Variants in MAN2B2 observed in about 807,000 individuals in gnomAD.
MAN2B2 encodes the protein mannosidase alpha class 2B member 2.
MAN2B2 carries 106 observed loss-of-function variants against 117.1 expected under a neutral mutation model. The ratio of observed to expected loss-of-function variants is 0.90; its 90% CI spans 0.77 to 1.06. MAN2B2 has a LOEUF of 1.06. Among genes scored for constraint, MAN2B2 ranks in the 50% least tolerant of loss-of-function variants. MAN2B2 has a pLI of 0.00. For missense variants in MAN2B2, 1,326 were observed against 1,381.4 expected, an observed-to-expected ratio of 0.96 and a Z score of 0.64; for synonymous variants, 544 against 595.1, an observed-to-expected ratio of 0.91 and a Z score of 1.25.
intron 17 of MAN2B2, chr4:6,619,601 C>T: frequency 7.2e-6 from 2 of 279,196 alleles, no homozygotes; most frequent in South Asian, 7.4e-5. Context: ...GGCACGGGGC[C>T]ACCTGAGCAA....
chr4:6,600,511 A>T, intron 9 of MAN2B2, 112 bp from the exon 10 acceptor site: 1 of 1,279,414 alleles, frequency 7.8e-7, no homozygotes, highest in Non-Finnish European at 1.1e-6. Context: ...GGAGTTCTGG[A>T]GGGCTGCATC....
chr4:6,606,386 G>A (rs1263669779), intron 11 of MAN2B2, among the ~76,000 whole-genome samples: 4 of 152,232 alleles, frequency 2.6e-5, no homozygotes, highest in African/African-American at 7.2e-5. Context: ...GGCAAGGGGG[G>A]AGTTGGGCAG....
At position 6,622,737 on chromosome 4, in the gene MAN2B2, A is replaced by C. The variant is rs2108764358; in HGVS notation, c.*1452A>C. 6.6e-6 allele frequency: 1 copy of C among 152,322 alleles called. No individual in the cohort carries two copies. Among genetic ancestry groups the C allele is most frequent in the East Asian group, 1.9e-4 (1 of 5,182 alleles). The allele number at this position is 152,322 out of a possible 1,614,324, so 9.4% of individuals were successfully genotyped here. On this transcript the variant is annotated 3_prime_UTR_variant, in exon 19 of 19. Transcript: ENST00000285599. Reference sequence around the variant, plus strand: ...AGGCGTGAGCCAATGTGCCCGGCCTAAACCGTTTTAAAGAGTAAACTGTAA... The same window carrying C: ...AGGCGTGAGCCAATGTGCCCGGCCTCAACCGTTTTAAAGAGTAAACTGTAA...
intron 17 of MAN2B2, chr4:6,617,729 G>T: frequency 1.7e-6 from 1 of 598,632 alleles, no homozygotes; most frequent in Non-Finnish European, 2.7e-6. Flanking sequence ...TGCCCAGTCT[G>T]GGGTGCAGTG....
At position 6,605,111 on chromosome 4, in the gene MAN2B2, C is replaced by T. The variant is rs745566605; in HGVS notation, c.1596C>T (p.Ile532=). ...ATGACCTGCTTATTCTGACCACAAT[C>T]CCAGGCCTCAGTTACCGGCACTACA... is the stretch of plus-strand genomic sequence containing the variant. ...SAYDLLILTT[I]PGLSYRHYNI... The change falls in exon 11 of 19, where the codon ATC becomes ATT. Residue 532 remains isoleucine (I), a synonymous_variant. Coordinates refer to ENST00000285599, the MANE Select transcript of MAN2B2 (RefSeq NM_015274.3). The T allele has an allele frequency of 1.9e-6, 3 of 1,614,106 alleles. No individual in the cohort carries two copies. The highest frequency in any genetic ancestry group is 1.1e-5 in the South Asian group (1 of 91,082).
At chr4:6,577,089 C>G (rs1353816126) in intron 2 of MAN2B2, among the ~76,000 whole-genome samples, 1 of 152,150 alleles carries the variant, frequency 6.6e-6, no homozygotes, top group Non-Finnish European at 1.5e-5. Flanking sequence ...CTGCCTGGCC[C>G]CCGGGCCCAG....
intron 9 of MAN2B2, 74 bp from the exon 10 acceptor site, chr4:6,600,549 A>C: frequency 6.5e-7 from 1 of 1,546,774 alleles, no homozygotes; most frequent in Non-Finnish European, 8.9e-7. Context: ...CCTCATACTG[A>C]GGTGCAGCCA....
chr4:6,610,912 G>A lies in MAN2B2; in HGVS notation c.2292G>A (p.Met764Ile). The A allele has an allele frequency of 6.2e-7, 1 of 1,614,216 alleles. No individual in the cohort carries two copies. The highest frequency in any genetic ancestry group is 8.5e-7 in the Non-Finnish European group (1 of 1,180,020). ...ACCCCATGGTTCAGTCGGCCTTCAT[G>A]GAGGATGGCAAAAGCAGGCTTGTGT... ...NYYPMVQSAF[M>I]EDGKSRLVLL... is the part of the protein sequence containing the mutation. Residue 764 changes from methionine to isoleucine, a missense_variant, in exon 14 of 19, where the codon ATG becomes ATA. Coordinates refer to ENST00000285599, the MANE Select transcript of MAN2B2 (RefSeq NM_015274.3).
At chr4:6,575,462 T>C in intron 1 of MAN2B2, 114 bp downstream of exon 1, 1 of 774,678 alleles carries the variant, frequency 1.3e-6, no homozygotes, top group Non-Finnish European at 2.0e-6. Context: ...GGAGGCTCAG[T>C]GGGTTCAGGA....
At position 6,581,226 on chromosome 4, in the gene MAN2B2, G is replaced by A. The variant is rs1314969827; in HGVS notation, c.391+2728G>A. Among the ~76,000 whole-genome samples, 4 of 152,252 alleles carry A rather than the reference G, an allele frequency of 2.6e-5. No homozygotes were observed. The East Asian group carries it at 7.7e-4, about 29-fold the overall frequency. On this transcript the variant is annotated intron_variant, in intron 3 of 18. Coordinates refer to ENST00000285599, the MANE Select transcript of MAN2B2 (RefSeq NM_015274.3). ...CCAGATCCAACCCTAGCCCGGCCGAGTCAGGAAGGTTACTTGTGGCTGAGC... is the reference window on the plus strand; with the variant it reads ...CCAGATCCAACCCTAGCCCGGCCGAATCAGGAAGGTTACTTGTGGCTGAGC...
Position 6,609,851 on chromosome 4 carries a change from T to G in MAN2B2, c.2060T>G (p.Val687Gly). The part of the protein sequence containing the change: ...TYAIRSRLTH[V>G]PQGHDGELLC... ...GCAATCCGCTCCCGGCTCACCCATGTGCCGCAGGGCCATGACGGGGAGCTG... is the reference window on the plus strand; with the variant it reads ...GCAATCCGCTCCCGGCTCACCCATGGGCCGCAGGGCCATGACGGGGAGCTG... Residue 687 changes from valine (V) to glycine (G), a missense_variant, in exon 13 of 19, where the codon GTG (valine) becomes GGG (glycine). Transcript: ENST00000285599. The G allele has an allele frequency of 1.2e-6, 2 of 1,614,106 alleles. No homozygotes were observed. Among genetic ancestry groups the G allele is most frequent in the South Asian group, 2.2e-5 (2 of 91,082 alleles).
At chr4:6,576,922 T>C (rs1726085816) in intron 2 of MAN2B2, among the ~76,000 whole-genome samples, 198 bp downstream of exon 2, 2 of 152,190 alleles carry the variant, frequency 1.3e-5, no homozygotes, top group South Asian at 4.1e-4. Flanking sequence ...TTGCTTTCAA[T>C]TTAATCCTGA....
In MAN2B2 at chr4:6,579,301, TCACCACCACCACCACCATCACCAC is replaced by T. The variant is rs1726300203; in HGVS notation, c.391+827_391+850del. 2.9e-3 allele frequency among the ~76,000 whole-genome samples: 46 copies of T among 15,814 alleles called. 4 individuals are homozygous for T. The highest frequency in any genetic ancestry group is 8.1e-3 in the South Asian group (3 of 370). The allele number at this position is 15,814 out of a possible 152,430, so 10.4% of individuals were successfully genotyped here. A position where few individuals can be genotyped will look rare whatever the true frequency, so the allele number is the denominator to read the frequency against. On this transcript the variant is annotated intron_variant, in intron 3 of 18. Transcript: ENST00000285599. ...ACCACCATCACCATCACCACCACCA[TCACCACCACCACCACCATCACCAC>T]CACCACCACCACCACCATCACCATC...
At chr4:6,611,428 T>A in intron 15 of MAN2B2, 150 bp downstream of exon 15, 2 of 759,782 alleles carry the variant, frequency 2.6e-6, no homozygotes, top group Non-Finnish European at 4.1e-6. Context: ...GCCCCTCATT[T>A]AACAGATGGG....
intron 4 of MAN2B2, among the ~76,000 whole-genome samples, 162 bp from the exon 5 acceptor site, chr4:6,588,883 A>G (rs1185456804): frequency 1.3e-5 from 2 of 152,152 alleles, no homozygotes; most frequent in Non-Finnish European, 2.9e-5. Context: ...GGCAAATCCC[A>G]CAACCAGTCT....
chr4:6,591,639 A>G (rs1188297335), intron 5 of MAN2B2, among the ~76,000 whole-genome samples: 1 of 152,182 alleles, frequency 6.6e-6, no homozygotes, highest in Non-Finnish European at 1.5e-5. Context: ...ATCAGGTGAC[A>G]GCAGGGGACT....
At chr4:6,616,522 C>T (rs915716172) in intron 16 of MAN2B2, among the ~76,000 whole-genome samples, 5 of 152,318 alleles carry the variant, frequency 3.3e-5, no homozygotes, top group Non-Finnish European at 7.3e-5. Context: ...GTGGCCACCA[C>T]GCCCCCCGCT....
Position 6,594,559 on chromosome 4 carries a change from C to G in MAN2B2, c.884C>G (p.Ala295Gly). 4 of 1,613,544 alleles carry G rather than the reference C, an allele frequency of 2.5e-6. No individual in the cohort carries two copies. The highest frequency in any genetic ancestry group is 1.7e-5 in the Admixed American group (1 of 60,030). The change falls in exon 7 of 19, where the codon GCC becomes GGC. Residue 295 changes from alanine to glycine, a missense_variant. Ala to Gly is a moderately conservative substitution (Grantham distance 60). Coordinates refer to ENST00000285599, the MANE Select transcript of MAN2B2 (RefSeq NM_015274.3). The stretch of plus-strand genomic sequence containing the variant: ...GGATGTGACAAGCAGTTCTTCAATG[C>G]CTCGGTGCAGTTTGCCAACATGGAC... ...PWGCDKQFFN[A>G]SVQFANMDPL... is the part of the protein sequence containing the mutation.
intron 3 of MAN2B2, among the ~76,000 whole-genome samples, chr4:6,583,152 G>A (rs1726501284): frequency 6.6e-6 from 1 of 152,166 alleles, no homozygotes; most frequent in Non-Finnish European, 1.5e-5. Flanking sequence ...GCAGCTAGGG[G>A]ATAGGGAATG....
Sources: gnomAD v4.1 joint callset for allele counts (sites outside exome capture counted in the v4.1 genomes callset) on GRCh38, gnomAD v4.1.1 for gene constraint, MANE v1.5 for transcripts, NCBI Gene and HGNC (gene_info 2026-07-23, HGNC 2026-07-21) for gene names.